ZFPM1: variants seen among roughly 807,000 people sequenced by gnomAD.
ZFPM1 encodes zinc finger protein ZFPM1.
Under a neutral mutation model 46.3 loss-of-function variants are expected in ZFPM1, and 28 were observed. The observed-to-expected ratio is 0.60, with a 90% CI of 0.45 to 0.83. The LOEUF (loss-of-function observed/expected upper bound fraction) is 0.83, where lower values mean the gene tolerates loss of function less well. Ranked by LOEUF, ZFPM1 falls within the 40% of genes least tolerant of loss-of-function variation. The pLI is 0.00. For synonymous variants in ZFPM1, 957 were observed against 675.9 expected, an observed-to-expected ratio of 1.42 and a Z score of -6.45; for missense variants, 1,878 against 1,432.4, an observed-to-expected ratio of 1.31 and a Z score of -5.02.
At chr16:88,484,697 G>A (rs1311015793) in intron 1 of ZFPM1, among the ~76,000 whole-genome samples, 2 of 152,118 alleles carry the variant, frequency 1.3e-5, no homozygotes, top group Non-Finnish European at 2.9e-5. Context: ...CAGGGCCTGG[G>A]GACCTGGGGA....
At chr16:88,521,797 C>CA (rs1269162062) in intron 4 of ZFPM1, among the ~76,000 whole-genome samples, 1 of 145,108 alleles carries the variant, frequency 6.9e-6, no homozygotes, top group African/African-American at 2.7e-5. Context: ...GCTGTTCCCT[C>CA]CCCTGTGCTG....
intron 1 of ZFPM1, among the ~76,000 whole-genome samples, chr16:88,457,981 A>C (rs4782302): frequency 0.44 from 67,070 of 151,962 alleles, 14,957 homozygotes; most frequent in South Asian, 0.55. Flanking sequence ...TTTGATGGTA[A>C]GAATAATATT....
chr16:88,532,884 G>C lies in ZFPM1; in HGVS notation c.1138G>C (p.Gly380Arg). ...NHMVCQPGSK[G>R]EIYSPGAGHP... ...CATGGTCTGCCAGCCTGGCTCCAAG[G>C]GTGAGATCTACTCGCCAGGGGCCGG... Residue 380 changes from glycine to arginine, a missense_variant, in exon 9 of 10, where the codon GGT (glycine) becomes CGT (arginine). Transcript: ENST00000319555. 2 of 1,613,282 alleles carry C rather than the reference G, an allele frequency of 1.2e-6. No homozygotes were observed. The highest frequency in any genetic ancestry group is 1.7e-6 in the Non-Finnish European group (2 of 1,179,920).
chr16:88,461,602 C>T (rs901204665), intron 1 of ZFPM1, among the ~76,000 whole-genome samples: 6 of 152,118 alleles, frequency 3.9e-5, no homozygotes, highest in Non-Finnish European at 8.8e-5. Context: ...CCTAGGGACA[C>T]GTCTGTGAGG....
chr16:88,472,880 G>A (rs961588227), intron 1 of ZFPM1, among the ~76,000 whole-genome samples: 1 of 152,238 alleles, frequency 6.6e-6, no homozygotes, highest in Non-Finnish European at 1.5e-5. Context: ...GGAGGCTGAT[G>A]TGTTAACTCC....
rs1912983056 is a variant in ZFPM1 at position 88,533,559 on chromosome 16, A to C, written c.1601A>C (p.Asp534Ala). Residue 534 changes from aspartate to alanine, a missense_variant, in exon 10 of 10, where the codon GAC (aspartate) becomes GCC (alanine). Physicochemically the swap from Asp to Ala is moderately radical, Grantham distance 126. Coordinates refer to ENST00000319555, the MANE Select transcript of ZFPM1 (RefSeq NM_153813.3). Reference sequence around the variant, plus strand: ...CTTCCGCAGTACGTGTTCGGGCCCGACGCGGCGCCCCCCGCCTCGGAGATC... The same window carrying C: ...CTTCCGCAGTACGTGTTCGGGCCCGCCGCGGCGCCCCCCGCCTCGGAGATC... ...LFLPQYVFGP[D>A]AAPPASEILA... The C allele has an allele frequency of 1.3e-6, 2 of 1,481,992 alleles. No homozygotes were observed. The highest frequency in any genetic ancestry group is 9.0e-7 in the Non-Finnish European group (1 of 1,117,102). 91.8% of individuals were successfully genotyped at this position (1,481,992 alleles called of 1,614,324 possible).
At chr16:88,527,391 G>A (rs1218480630) in intron 5 of ZFPM1, among the ~76,000 whole-genome samples, 1 of 152,178 alleles carries the variant, frequency 6.6e-6, no homozygotes, top group African/African-American at 2.4e-5. Context: ...TACTGAGGGT[G>A]GCACGTCTGG....
intron 1 of ZFPM1, among the ~76,000 whole-genome samples, chr16:88,474,808 G>A (rs2142359088): frequency 6.6e-6 from 1 of 152,330 alleles, no homozygotes; most frequent in Admixed American, 6.5e-5. Flanking sequence ...AACCCCCAGG[G>A]CTGTCGGGAA....
At chr16:88,492,609 C>A (rs564646907) in intron 3 of ZFPM1, among the ~76,000 whole-genome samples, 2 of 152,310 alleles carry the variant, frequency 1.3e-5, no homozygotes, top group East Asian at 3.9e-4. Context: ...TCCTGGGAAA[C>A]CCCCCAACCC....
chr16:88,487,106 T>C (rs1192850127), intron 2 of ZFPM1, among the ~76,000 whole-genome samples: 1 of 152,178 alleles, frequency 6.6e-6, no homozygotes, highest in Non-Finnish European at 1.5e-5. Flanking sequence ...CAGGAGACAG[T>C]TAACCTGCCA....
At chr16:88,521,192 C>G (rs939988372) in intron 4 of ZFPM1, among the ~76,000 whole-genome samples, 1 of 151,934 alleles carries the variant, frequency 6.6e-6, no homozygotes, top group Admixed American at 6.6e-5. Context: ...GCCGTTCCCT[C>G]CTCTGTGCTG....
intron 1 of ZFPM1, among the ~76,000 whole-genome samples, chr16:88,455,555 C>G (rs74626848): frequency 6.7e-6 from 1 of 149,590 alleles, no homozygotes; most frequent in Non-Finnish European, 1.5e-5. Context: ...TGTGCCTGCC[C>G]GCTGCCCTGG....
chr16:88,534,090 AC>A lies in ZFPM1; in HGVS notation c.2135del (p.Pro712ArgfsTer86). The A allele has an allele frequency of 8.5e-7, 1 of 1,173,586 alleles. No homozygotes were observed. The highest frequency in any genetic ancestry group is 1.1e-6 in the Non-Finnish European group (1 of 929,370). The allele number at this position is 1,173,586 out of a possible 1,614,324, so 72.7% of individuals were successfully genotyped here. On this transcript the variant is annotated frameshift_variant, in exon 10 of 10. Transcript: ENST00000319555. LOFTEE classifies it low-confidence loss of function (END_TRUNC). ...CGGTACTACTGCGCCTCGCGCCACG[AC>A]CCGCCGCCGCGCCGACCGGCCGCGC... is the stretch of plus-strand genomic sequence containing the variant. The part of the protein sequence containing the change: ...HKRYYCASRH[D>X]PPPRRPAAPP...
At position 88,535,998 on chromosome 16, in the gene ZFPM1, C is replaced by G. The variant is rs1276565838; in HGVS notation, c.*1019C>G. 6.6e-6 allele frequency: 1 copy of G among 152,178 alleles called. No homozygotes were observed. Among genetic ancestry groups the G allele is most frequent in the Non-Finnish European group, 1.5e-5 (1 of 68,032 alleles). 9.4% of individuals were successfully genotyped at this position (152,178 alleles called of 1,614,324 possible). Reference sequence around the variant, plus strand: ...TTATTTTTGGGTCTCACTCTCTTGCCCAGGCTGGAGTCCCTGGGATACTCA... The same window carrying G: ...TTATTTTTGGGTCTCACTCTCTTGCGCAGGCTGGAGTCCCTGGGATACTCA... On this transcript the variant is annotated 3_prime_UTR_variant, in exon 10 of 10. Transcript: ENST00000319555.
Position 88,487,536 on chromosome 16 carries a change from G to T in ZFPM1, c.145+1493G>T, listed in dbSNP as rs1381727571. ...TCCAAAGGCTCCAAGGCCAACGGGG[G>T]TGGGGGAGAGGTTTCAGAGGGGTCT... On this transcript the variant is annotated intron_variant, in intron 2 of 9. Coordinates refer to ENST00000319555, the MANE Select transcript of ZFPM1 (RefSeq NM_153813.3). Among the ~76,000 whole-genome samples, 3 of 152,168 alleles carry T rather than the reference G, an allele frequency of 2.0e-5. No individual in the cohort carries two copies. The East Asian group carries it at 5.8e-4, about 29-fold the overall frequency.
At chr16:88,482,024 G>A (rs1321955165) in intron 1 of ZFPM1, among the ~76,000 whole-genome samples, 2 of 152,212 alleles carry the variant, frequency 1.3e-5, no homozygotes, top group African/African-American at 4.8e-5. Flanking sequence ...CACAGAGAGT[G>A]GAGTGACTTG....
chr16:88,524,610 A>G lies in ZFPM1; in HGVS notation c.403-2204A>G, dbSNP rs1912168559. 2.0e-5 allele frequency among the ~76,000 whole-genome samples: 3 copies of G among 152,238 alleles called. No homozygotes were observed. In the South Asian group the frequency reaches 6.2e-4, roughly 31 times the overall value. On this transcript the variant is annotated intron_variant, in intron 4 of 9. Transcript: ENST00000319555. ...GTCCTGCCAGGTCAACCCAAAAGCA[A>G]CAGCCAGGGCTGGAGCTAATATGCA...
Position 88,533,837 on chromosome 16 carries a change from G to T in ZFPM1, c.1879G>T (p.Gly627Cys). Reference protein sequence around the residue: ...APPGPARAPPGQPAEPDAPRS... With the variant: ...APPGPARAPPCQPAEPDAPRS... ...CCCCGGCCCGGCCCGCGCGCCCCCC[G>T]GCCAGCCCGCCGAACCCGACGCGCC... is the stretch of plus-strand genomic sequence containing the variant. Residue 627 changes from glycine (G) to cysteine (C), a missense_variant, in exon 10 of 10, where the codon GGC becomes TGC. Transcript: ENST00000319555. 3 of 988,682 alleles carry T rather than the reference G, an allele frequency of 3.0e-6. No individual in the cohort carries two copies. The highest frequency in any genetic ancestry group is 3.6e-6 in the Non-Finnish European group (3 of 832,188). 61.2% of individuals were successfully genotyped at this position (988,682 alleles called of 1,614,324 possible).
At chr16:88,462,435 G>A (rs1025447675) in intron 1 of ZFPM1, among the ~76,000 whole-genome samples, 2 of 152,244 alleles carry the variant, frequency 1.3e-5, no homozygotes, top group Admixed American at 1.3e-4. Context: ...TGAGAAAATC[G>A]GGGGTCAGAG....
Sources: allele counts gnomAD v4.1 joint callset (sites outside exome capture counted in the v4.1 genomes callset), GRCh38; gene constraint gnomAD v4.1.1; transcripts MANE v1.5; gene names NCBI Gene and HGNC (gene_info 2026-07-23, HGNC 2026-07-21).